Variants in HVCN1 observed in about 807,000 individuals in gnomAD.
The protein encoded by HVCN1 is hydrogen voltage gated channel 1.
A neutral mutation model predicts 29.2 loss-of-function variants in HVCN1; 14 were observed. The ratio of observed to expected loss-of-function variants is 0.48; its 90% CI spans 0.32 to 0.75. The LOEUF is 0.75. Among genes scored for constraint, HVCN1 ranks in the 30% least tolerant of loss-of-function variants. The probability of loss-of-function intolerance (pLI) is 0.04; values close to 1 mark genes in which losing one functional copy is unlikely to be tolerated. For missense variants in HVCN1, 263 were observed against 341.8 expected, an observed-to-expected ratio of 0.77 and a Z score of 1.82; for synonymous variants, 131 against 133.2, an observed-to-expected ratio of 0.98 and a Z score of 0.11.
chr12:110,678,694 C>T (rs753848014), intron 3 of HVCN1, among the ~76,000 whole-genome samples: 15 of 152,120 alleles, frequency 9.9e-5, no homozygotes, highest in Admixed American at 2.0e-4. Flanking sequence ...TCAAGTGATC[C>T]GCCTGCCTTG....
At chr12:110,684,943 A>AT (rs928542752) in intron 2 of HVCN1, among the ~76,000 whole-genome samples, 5 of 151,510 alleles carry the variant, frequency 3.3e-5, no homozygotes, top group Admixed American at 6.6e-5. Flanking sequence ...CTTTTATTTT[A>AT]TTTTTTTTGT....
chr12:110,673,116 C>T (rs2068638204), intron 3 of HVCN1, among the ~76,000 whole-genome samples: 1 of 152,156 alleles, frequency 6.6e-6, no homozygotes, highest in South Asian at 2.1e-4. Context: ...CTTCCTAGAA[C>T]TTGTTGAATG....
At chr12:110,699,732 G>A (rs573448781) in intron 2 of HVCN1, among the ~76,000 whole-genome samples, 58 of 152,072 alleles carry the variant, frequency 3.8e-4, no homozygotes, top group Non-Finnish European at 6.5e-4. Flanking sequence ...GCGCTGCGCC[G>A]GGCACATGAT....
At chr12:110,669,648 G>A (rs1477821503) in intron 3 of HVCN1, among the ~76,000 whole-genome samples, 2 of 152,074 alleles carry the variant, frequency 1.3e-5, no homozygotes, top group East Asian at 1.9e-4. Context: ...CCTCACCCCA[G>A]TTGGGGTGTA....
rs1359221564 is a variant in HVCN1, at chr12:110,661,772, C to T, written c.22-324G>A. Among the ~76,000 whole-genome samples, 2 of 152,116 alleles carry T rather than the reference C, an allele frequency of 1.3e-5. No individual in the cohort carries two copies. The highest frequency in any genetic ancestry group is 4.8e-5 in the African/African-American group (2 of 41,406). ...ATGTGTGAATACCGGAAGGGCGGCC[C>T]CAAGGTTCAGAGACATCACAACCTG... On this transcript the variant is annotated intron_variant, in intron 3 of 7. Coordinates refer to ENST00000242607, the MANE Select transcript of HVCN1 (RefSeq NM_032369.4). The surrounding 1 kb of genome is among the most constrained non-coding windows in gnomAD (Gnocchi z 6.2).
At chr12:110,692,439 G>T (rs978598607), upstream of HVCN1, among the ~76,000 whole-genome samples, 3 of 152,188 alleles carry the variant, frequency 2.0e-5, no homozygotes, top group Non-Finnish European at 4.4e-5. Flanking sequence ...AAAGGAGAAG[G>T]CCGGGCATGG....
At chr12:110,689,262 T>G (rs570090076), upstream of HVCN1, 2 of 141,584 alleles carry the variant, frequency 1.4e-5, no homozygotes, top group Admixed American at 7.1e-5. The surrounding 1 kb of genome is among the most constrained non-coding windows in gnomAD (Gnocchi z 5.7). Context: ...TCGGCCCGGG[T>G]CTTAGTCCCC....
At chr12:110,692,195 G>A (rs2069418510), upstream of HVCN1, among the ~76,000 whole-genome samples, 1 of 152,116 alleles carries the variant, frequency 6.6e-6, no homozygotes, top group African/African-American at 2.4e-5. Flanking sequence ...TCACTGATGA[G>A]CTCAGTCAAT....
At chr12:110,680,803 A>G (rs975546687) in intron 3 of HVCN1, among the ~76,000 whole-genome samples, 1 of 152,102 alleles carries the variant, frequency 6.6e-6, no homozygotes, top group Admixed American at 6.6e-5. Flanking sequence ...GGTGGCGCAC[A>G]CCTGTAATTC....
In HVCN1 at chr12:110,649,256, A is replaced by G. The variant is rs567316596; in HGVS notation, c.*154T>C. ...TCTTGGTGGTACTGGACCTTCCACA[A>G]GGCTGTGTCCACCCAGAATCCATGC... On this transcript the variant is annotated 3_prime_UTR_variant, in exon 8 of 8. Transcript: ENST00000242607. 6.3e-5 allele frequency: 43 copies of G among 685,888 alleles called. No individual in the cohort carries two copies. In the East Asian group the frequency reaches 9.2e-4, roughly 15 times the overall value. The allele number at this position is 685,888 out of a possible 1,614,324, so 42.5% of individuals were successfully genotyped here.
intron 3 of HVCN1, among the ~76,000 whole-genome samples, chr12:110,675,943 T>C (rs749447138): frequency 7.2e-5 from 11 of 152,038 alleles, no homozygotes; most frequent in Non-Finnish European, 1.3e-4. Context: ...AAATAAGAGA[T>C]GGGATCAAGG....
At position 110,649,201 on chromosome 12, in the gene HVCN1, T is replaced by G. The variant is rs112985685; in HGVS notation, c.*209A>C. ...ACATGAGAAAATGTGATACATTTGA[T>G]ACAGTGTGGGGTGGGAGTGGATGGG... On this transcript the variant is annotated 3_prime_UTR_variant, in exon 8 of 8. Transcript: ENST00000242607. 1.5e-6 allele frequency: 1 copy of G among 685,512 alleles called. No individual in the cohort carries two copies. Among genetic ancestry groups the G allele is most frequent in the African/African-American group, 1.8e-5 (1 of 56,148 alleles). The allele number at this position is 685,512 out of a possible 1,614,324, so 42.5% of individuals were successfully genotyped here. A position where few individuals can be genotyped will look rare whatever the true frequency, so the allele number is the denominator to read the frequency against.
At chr12:110,679,136 A>C (rs1170864837) in intron 3 of HVCN1, among the ~76,000 whole-genome samples, 2 of 152,082 alleles carry the variant, frequency 1.3e-5, no homozygotes, top group Non-Finnish European at 2.9e-5. Context: ...TGCATGTTGG[A>C]ATCACCTGGC....
upstream of HVCN1, among the ~76,000 whole-genome samples, chr12:110,689,978 G>A (rs2069367332): frequency 6.6e-6 from 1 of 152,240 alleles, no homozygotes; most frequent in African/African-American, 2.4e-5. The surrounding 1 kb of genome is among the most constrained non-coding windows in gnomAD (Gnocchi z 5.7). Context: ...CCTCCTTGGG[G>A]TTGTGTTAGT....
intron 2 of HVCN1, among the ~76,000 whole-genome samples, chr12:110,697,156 AATT>A (rs758489996): frequency 1.3e-5 from 2 of 151,980 alleles, no homozygotes; most frequent in Admixed American, 6.6e-5. Flanking sequence ...GTTTTATTTG[AATT>A]GTCAAAGTGG....
chr12:110,675,920 T>C (rs1037174618), intron 3 of HVCN1, among the ~76,000 whole-genome samples: 1 of 151,972 alleles, frequency 6.6e-6, no homozygotes, highest in Non-Finnish European at 1.5e-5. Context: ...ATAATAATAA[T>C]AATAAAATAA....
intron 7 of HVCN1, among the ~76,000 whole-genome samples, chr12:110,649,938 C>A (rs538996167): frequency 6.6e-6 from 1 of 152,190 alleles, no homozygotes; most frequent in Non-Finnish European, 1.5e-5. Flanking sequence ...CTCCACCTCC[C>A]GGGTTCAAGC....
At chr12:110,682,431 T>C (rs1452568795) in intron 3 of HVCN1, among the ~76,000 whole-genome samples, 1 of 152,134 alleles carries the variant, frequency 6.6e-6, no homozygotes, top group African/African-American at 2.4e-5. Flanking sequence ...ACTCCTGACC[T>C]CAAGTGACTT....
chr12:110,669,117 TG>T (rs750051395), intron 3 of HVCN1, among the ~76,000 whole-genome samples: 86 of 152,170 alleles, frequency 5.7e-4, no homozygotes, highest in Non-Finnish European at 3.8e-4. Flanking sequence ...CCAACTGACC[TG>T]ATTTCTTACC....
Sources: gnomAD v4.1 joint callset for allele counts (sites outside exome capture counted in the v4.1 genomes callset) on GRCh38, gnomAD v4.1.1 for gene constraint, Gnocchi (gnomAD v3.1) non-coding constraint, MANE v1.5 for transcripts, NCBI Gene and HGNC (gene_info 2026-07-23, HGNC 2026-07-21) for gene names.